The following LDLRAD4 variants were observed in gnomAD, a reference collection of about 807,000 sequenced individuals.
The protein encoded by LDLRAD4 is low-density lipoprotein receptor class A domain-containing protein 4.
LDLRAD4 carries 5 observed loss-of-function variants against 17.0 expected under a neutral mutation model. That is an observed-to-expected ratio of 0.29 (90% CI 0.15 to 0.62). LDLRAD4 has a LOEUF of 0.62. LDLRAD4 is among the 20% of genes least tolerant of loss of function. The probability of loss-of-function intolerance (pLI) is 0.84; values close to 1 mark genes in which losing one functional copy is unlikely to be tolerated. For missense variants in LDLRAD4, 340 were observed against 424.7 expected, an observed-to-expected ratio of 0.80 and a Z score of 1.75; for synonymous variants, 168 against 171.8, an observed-to-expected ratio of 0.98 and a Z score of 0.17.
intron 1 of LDLRAD4, among the ~76,000 whole-genome samples, chr18:13,314,193 G>A (rs919823889): frequency 6.6e-6 from 1 of 152,100 alleles, no homozygotes; most frequent in South Asian, 2.1e-4. Context: ...TGGTGATTTT[G>A]GCATGTTTCC....
intron 1 of LDLRAD4, among the ~76,000 whole-genome samples, chr18:13,266,369 T>C (rs1327158570): frequency 2.0e-5 from 3 of 152,152 alleles, no homozygotes; most frequent in African/African-American, 7.2e-5. Context: ...CAACTCCTGG[T>C]ACCTCGCACT....
rs1160724774 is a variant in LDLRAD4 at position 13,645,554 on chromosome 18, G to A, written c.818G>A (p.Ser273Asn). Residue 273 changes from serine (S) to asparagine (N), a missense_variant, in exon 6 of 6, where the codon AGC becomes AAC. Physicochemically the swap from Ser to Asn is conservative, Grantham distance 46. Transcript: ENST00000359446. The surrounding 1 kb of genome is among the most constrained non-coding windows in gnomAD (Gnocchi z 5.7). The stretch of plus-strand genomic sequence containing the variant: ...GCCTCTTTCCTCCATCACCAGCGCA[G>A]CAACGCACACAGGGGCAGCAGACTG... 6.2e-7 allele frequency: 1 copy of A among 1,609,788 alleles called. No individual in the cohort carries two copies. Among genetic ancestry groups the A allele is most frequent in the Non-Finnish European group, 8.5e-7 (1 of 1,177,982 alleles).
intron 1 of LDLRAD4, among the ~76,000 whole-genome samples, chr18:13,355,543 A>G (rs564526897): frequency 1.3e-5 from 2 of 152,310 alleles, no homozygotes; most frequent in African/African-American, 2.4e-5. Flanking sequence ...AGTTATTATG[A>G]CTTACTAAGA....
chr18:13,580,090 T>C (rs1459593777), intron 3 of LDLRAD4, among the ~76,000 whole-genome samples: 1 of 152,232 alleles, frequency 6.6e-6, no homozygotes, highest in Non-Finnish European at 1.5e-5. Flanking sequence ...TCATTTCCAC[T>C]GACACTTCTC....
chr18:13,261,051 G>A (rs1278636921), intron 1 of LDLRAD4, among the ~76,000 whole-genome samples: 3 of 152,098 alleles, frequency 2.0e-5, no homozygotes, highest in African/African-American at 4.8e-5. Context: ...CCTCTAATGC[G>A]TTCACAGCCC....
chr18:13,645,123 C>T lies in LDLRAD4; in HGVS notation c.391-4C>T, dbSNP rs1459973988. ...TCTTCAAGCCTCTCCTCTTTTCCTT[C>T]CAGATCATGCATGCCCCGCGGTCCA... On this transcript the variant is annotated splice_polypyrimidine_tract_variant and splice_region_variant and intron_variant, in intron 5 of 5. Coordinates refer to ENST00000359446, the Ensembl canonical transcript of LDLRAD4. This position sits in a 1 kb window ranked among gnomAD's most constrained non-coding sequence, Gnocchi z 5.7. 37 of 1,600,040 alleles carry T rather than the reference C, an allele frequency of 2.3e-5. No homozygotes were observed. The highest frequency in any genetic ancestry group is 3.2e-5 in the Non-Finnish European group (37 of 1,171,930).
chr18:13,410,866 G>A (rs1199363424), intron 2 of LDLRAD4, among the ~76,000 whole-genome samples: 1 of 152,174 alleles, frequency 6.6e-6, no homozygotes, highest in African/African-American at 2.4e-5. Flanking sequence ...TGCAGGAATG[G>A]GTTTTTAGGG....
rs887096367 is a variant in LDLRAD4, at chr18:13,302,140, C to G, written c.-383+23952C>G. ...CAGACCCTGCAGTCTTCAGCTATTT[C>G]TGGATGTGGACTGGTAATTAGCATG... On this transcript the variant is annotated intron_variant, in intron 1 of 5. Transcript: ENST00000359446. Among the ~76,000 whole-genome samples the G allele has an allele frequency of 2.6e-5, 4 of 152,380 alleles. No individual in the cohort carries two copies. The East Asian group carries it at 7.7e-4, about 29-fold the overall frequency.
At chr18:13,422,795 T>G (rs538018038) in intron 2 of LDLRAD4, among the ~76,000 whole-genome samples, 1 of 152,254 alleles carries the variant, frequency 6.6e-6, no homozygotes, top group African/African-American at 2.4e-5. Flanking sequence ...GATCTGTTTT[T>G]TCCTCTTCTG....
intron 4 of LDLRAD4, among the ~76,000 whole-genome samples, chr18:13,634,033 A>G (rs1232141828): frequency 6.6e-6 from 1 of 152,216 alleles, no homozygotes; most frequent in Non-Finnish European, 1.5e-5. Flanking sequence ...GAAACCCTCA[A>G]CAAAGTAGGA....
chr18:13,621,947 C>T lies in LDLRAD4; in HGVS notation c.336+676C>T, dbSNP rs893634411. 9.2e-5 allele frequency among the ~76,000 whole-genome samples: 14 copies of T among 152,144 alleles called. No individual in the cohort carries two copies. Among genetic ancestry groups the T allele is most frequent in the Non-Finnish European group, 1.5e-4 (10 of 68,040 alleles). On this transcript the variant is annotated intron_variant, in intron 4 of 5. Coordinates refer to ENST00000359446, the Ensembl canonical transcript of LDLRAD4. The surrounding 1 kb of genome is among the most constrained non-coding windows in gnomAD (Gnocchi z 5.5). ...AACTTGAGAGACCAGGGGCTGCTGT[C>T]CCAAGCCTGTTTTACAGGCTGTGGT...
chr18:13,401,720 C>CA (rs1352737791), intron 2 of LDLRAD4, among the ~76,000 whole-genome samples: 1 of 152,210 alleles, frequency 6.6e-6, no homozygotes, highest in Non-Finnish European at 1.5e-5. Context: ...TGGGGTCAGA[C>CA]ACGTGGAGAA....
At chr18:13,256,912 T>TA (rs34374886) in intron 1 of LDLRAD4, among the ~76,000 whole-genome samples, 15,103 of 152,298 alleles carry the variant, frequency 0.099, 1,324 homozygotes, top group African/African-American at 0.24. Flanking sequence ...TTGGTGCACT[T>TA]ACTTGGAAAA....
intron 1 of LDLRAD4, among the ~76,000 whole-genome samples, chr18:13,362,015 G>T (rs1322799438): frequency 6.6e-6 from 1 of 152,032 alleles, no homozygotes; most frequent in African/African-American, 2.4e-5. Context: ...AATTTTGAGT[G>T]TATGAAGGTT....
intron 1 of LDLRAD4, among the ~76,000 whole-genome samples, chr18:13,298,458 T>C (rs1206501921): frequency 6.9e-6 from 1 of 145,014 alleles, no homozygotes; most frequent in Non-Finnish European, 1.5e-5. Context: ...GCAATTTTGC[T>C]GCTCTGGGCA....
At chr18:13,404,991 A>G (rs1203259964) in intron 2 of LDLRAD4, among the ~76,000 whole-genome samples, 4 of 152,060 alleles carry the variant, frequency 2.6e-5, no homozygotes, top group African/African-American at 9.7e-5. Context: ...AGAGGTCGTA[A>G]AAGTAGGTGT....
intron 3 of LDLRAD4, among the ~76,000 whole-genome samples, chr18:13,485,214 A>G (rs1052401649): frequency 1.3e-5 from 2 of 152,176 alleles, no homozygotes; most frequent in South Asian, 2.1e-4. Flanking sequence ...TTTGCTCTCC[A>G]GGTGTCTGGC....
At chr18:13,635,788 G>C (rs1344261935) in intron 4 of LDLRAD4, among the ~76,000 whole-genome samples, 1 of 152,246 alleles carries the variant, frequency 6.6e-6, no homozygotes, top group Admixed American at 6.5e-5. Flanking sequence ...TGACCAGCCA[G>C]CCCCTCAGGG....
chr18:13,512,882 C>G (rs1002757416), intron 3 of LDLRAD4, among the ~76,000 whole-genome samples: 1 of 152,206 alleles, frequency 6.6e-6, no homozygotes, highest in African/African-American at 2.4e-5. Context: ...ATCACTTGCA[C>G]TGAAAAGTAA....
Sources: gnomAD v4.1 joint callset for allele counts (sites outside exome capture counted in the v4.1 genomes callset) on GRCh38, gnomAD v4.1.1 for gene constraint, Gnocchi (gnomAD v3.1) non-coding constraint, MANE v1.5 for transcripts, NCBI Gene and HGNC (gene_info 2026-07-23, HGNC 2026-07-21) for gene names.